The following ERC1 variants were observed in gnomAD, a reference collection of about 807,000 sequenced individuals.
The protein encoded by ERC1 is RAB6 interacting protein 2.
ERC1 carries 56 observed loss-of-function variants against 132.0 expected under a neutral mutation model. The observed-to-expected ratio is 0.42, with a 90% CI of 0.34 to 0.53. The LOEUF (loss-of-function observed/expected upper bound fraction) is 0.53, where lower values mean the gene tolerates loss of function less well. ERC1 is among the 20% of genes least tolerant of loss of function. ERC1 has a pLI of 0.03. For missense variants in ERC1, 1,202 were observed against 1,349.9 expected, an observed-to-expected ratio of 0.89 and a Z score of 1.72; for synonymous variants, 478 against 476.1, an observed-to-expected ratio of 1.00 and a Z score of -0.05.
chr12:1,356,212 A>G (rs866999404), intron 15 of ERC1, among the ~76,000 whole-genome samples: 36 of 119,092 alleles, frequency 3.0e-4, no homozygotes, highest in African/African-American at 1.1e-3. Flanking sequence ...AAAAAAAAAA[A>G]AGTGTGTGTG....
rs541405315 is a variant in ERC1, at chr12:1,243,050, G to A, written c.2487+6146G>A. 3.5e-3 allele frequency among the ~76,000 whole-genome samples: 526 copies of A among 151,720 alleles called. 1 individual carries two copies. Among genetic ancestry groups the A allele is most frequent in the African/African-American group, 0.011 (466 of 41,396 alleles). On this transcript the variant is annotated intron_variant, in intron 13 of 18. Transcript: ENST00000360905. ...AAAATACAAAAAATTAGCCAGGCGC[G>A]GTGGCGGGCGCCTGTAGTCCCAGCT...
At chr12:1,417,002 T>C (rs1323876266) in intron 17 of ERC1, among the ~76,000 whole-genome samples, 1 of 152,158 alleles carries the variant, frequency 6.6e-6, no homozygotes, top group Non-Finnish European at 1.5e-5. Context: ...AATGGGAGTA[T>C]TGAATAAGAG....
At chr12:1,450,069 A>T (rs1033145301) in intron 18 of ERC1, among the ~76,000 whole-genome samples, 2 of 152,170 alleles carry the variant, frequency 1.3e-5, no homozygotes, top group Non-Finnish European at 2.9e-5. Context: ...ACTTTATGCT[A>T]TCATTGGCAT....
chr12:1,047,243 A>G (rs1971215214), intron 2 of ERC1, among the ~76,000 whole-genome samples: 1 of 152,172 alleles, frequency 6.6e-6, no homozygotes, highest in South Asian at 2.1e-4. Flanking sequence ...TATCATAAAT[A>G]TTTATCGTGT....
At chr12:1,205,313 A>G (rs1027879887) in intron 12 of ERC1, among the ~76,000 whole-genome samples, 3 of 151,808 alleles carry the variant, frequency 2.0e-5, no homozygotes, top group African/African-American at 7.3e-5. Context: ...TGAGCCTGTT[A>G]ATATCATATG....
chr12:1,002,422 A>G lies in ERC1; in HGVS notation c.-157+11100A>G, dbSNP rs530278590. Among the ~76,000 whole-genome samples, 6 of 151,286 alleles carry G rather than the reference A, an allele frequency of 4.0e-5. No homozygotes were observed. In the East Asian group the frequency reaches 1.2e-3, roughly 29 times the overall value. On this transcript the variant is annotated intron_variant, in intron 1 of 18. Transcript: ENST00000360905. Reference sequence around the variant, plus strand: ...GGCTGGTCTTGAACTCCTGAGCTCAAGTAATCTGCCTGCCTTGGTCTCCCA... The same window carrying G: ...GGCTGGTCTTGAACTCCTGAGCTCAGGTAATCTGCCTGCCTTGGTCTCCCA...
chr12:1,491,426 C>T lies in ERC1; in HGVS notation c.*1196C>T. On this transcript the variant is annotated 3_prime_UTR_variant, in exon 19 of 19. Coordinates refer to ENST00000360905, the MANE Select transcript of ERC1 (RefSeq NM_178040.4). ...TCAGAGAATATTTATGAAATGCCTA[C>T]TGTGTGCAAGTCATCCATCCTTGAA... 4.3e-6 allele frequency: 1 copy of T among 230,788 alleles called. No homozygotes were observed. Among genetic ancestry groups the T allele is most frequent in the Non-Finnish European group, 8.6e-6 (1 of 116,502 alleles). 14.3% of individuals were successfully genotyped at this position (230,788 alleles called of 1,614,324 possible).
intron 16 of ERC1, among the ~76,000 whole-genome samples, chr12:1,384,708 T>C (rs1024272903): frequency 6.6e-6 from 1 of 152,210 alleles, no homozygotes; most frequent in Non-Finnish European, 1.5e-5. Flanking sequence ...TTATGAAATA[T>C]AAGAATTTAA....
intron 15 of ERC1, among the ~76,000 whole-genome samples, chr12:1,302,551 GT>G (rs1470831780): frequency 6.6e-6 from 1 of 152,176 alleles, no homozygotes; most frequent in Non-Finnish European, 1.5e-5. Flanking sequence ...CATAAACATG[GT>G]TGTTTAGGGC....
intron 2 of ERC1, among the ~76,000 whole-genome samples, chr12:1,031,950 T>G (rs1402879867): frequency 1.3e-5 from 2 of 152,092 alleles, no homozygotes; most frequent in Non-Finnish European, 2.9e-5. Flanking sequence ...TCTCTGGAGA[T>G]GGGGTCCAGG....
At chr12:1,245,808 T>A (rs779616871) in intron 13 of ERC1, among the ~76,000 whole-genome samples, 1 of 152,236 alleles carries the variant, frequency 6.6e-6, no homozygotes, top group Non-Finnish European at 1.5e-5. Flanking sequence ...TGCCACTCAG[T>A]TGTATCCTAT....
chr12:1,370,754 C>T (rs1204294397), intron 15 of ERC1, among the ~76,000 whole-genome samples: 1 of 152,108 alleles, frequency 6.6e-6, no homozygotes, highest in African/African-American at 2.4e-5. Context: ...TAGGGTCTCA[C>T]TTTGTCACCC....
At chr12:1,458,639 A>T (rs1190761844) in intron 18 of ERC1, among the ~76,000 whole-genome samples, 1 of 151,018 alleles carries the variant, frequency 6.6e-6, no homozygotes, top group African/African-American at 2.4e-5. Flanking sequence ...GGTTCAAGTG[A>T]TTCTCCTGCC....
chr12:1,031,661 G>C (rs376618845), intron 2 of ERC1, among the ~76,000 whole-genome samples: 34 of 152,084 alleles, frequency 2.2e-4, no homozygotes, highest in African/African-American at 7.7e-4. Context: ...CTCAAAATTT[G>C]AATGTTTTAA....
At position 1,350,906 on chromosome 12, in the gene ERC1, T is replaced by C. The variant is rs548152027; in HGVS notation, c.2781-20927T>C. Among the ~76,000 whole-genome samples, 17 of 152,172 alleles carry C rather than the reference T, an allele frequency of 1.1e-4. No individual in the cohort carries two copies. In the South Asian group the frequency reaches 3.1e-3, roughly 28 times the overall value. On this transcript the variant is annotated intron_variant, in intron 15 of 18. Coordinates refer to ENST00000360905, the MANE Select transcript of ERC1 (RefSeq NM_178040.4). Reference sequence around the variant, plus strand: ...GCAAACAGGAGAACCTGAGGGTCCATCCTGGCTTTATCACAACCCACTCTC... The same window carrying C: ...GCAAACAGGAGAACCTGAGGGTCCACCCTGGCTTTATCACAACCCACTCTC...
intron 18 of ERC1, among the ~76,000 whole-genome samples, chr12:1,479,901 G>GAGC (rs1440279076): frequency 6.6e-6 from 1 of 152,136 alleles, no homozygotes; most frequent in African/African-American, 2.4e-5. Context: ...TTTGCACTGA[G>GAGC]AGCAGCAGCA....
intron 8 of ERC1, among the ~76,000 whole-genome samples, chr12:1,147,019 A>G (rs988383649): frequency 2.6e-5 from 4 of 152,064 alleles, no homozygotes; most frequent in African/African-American, 4.8e-5. Flanking sequence ...AATCCAGTCT[A>G]TCGTTGTTGG....
chr12:1,363,543 CTTTTTTTTTTT>C (rs34769986), intron 15 of ERC1, among the ~76,000 whole-genome samples: 8 of 94,344 alleles, frequency 8.5e-5, no homozygotes, highest in East Asian at 2.8e-4. Flanking sequence ...TATTTCTTTC[CTTTTTTTTTTT>C]TTTTTTTTTT....
intron 8 of ERC1, among the ~76,000 whole-genome samples, chr12:1,164,533 G>GT (rs1487494694): frequency 1.3e-5 from 2 of 150,710 alleles, no homozygotes; most frequent in Non-Finnish European, 3.0e-5. Flanking sequence ...AGTAGAGAAG[G>GT]GTTTCACCGT....
Sources: allele counts gnomAD v4.1 joint callset (sites outside exome capture counted in the v4.1 genomes callset), GRCh38; gene constraint gnomAD v4.1.1; transcripts MANE v1.5; gene names NCBI Gene and HGNC (gene_info 2026-07-23, HGNC 2026-07-21).